The following WWOX variants were observed in gnomAD, a reference collection of about 807,000 sequenced individuals.
The protein encoded by WWOX is WW domain containing oxidoreductase.
In WWOX, 69 loss-of-function variants were observed where a neutral mutation model predicts 46.2. The ratio of observed to expected loss-of-function variants is 1.49; its 90% CI spans 1.23 to 1.82. The LOEUF is 1.82. WWOX is among the 40% of genes most tolerant of loss of function. WWOX has a pLI of 0.00. For synonymous variants in WWOX, 359 were observed against 202.6 expected, an observed-to-expected ratio of 1.77 and a Z score of -6.56; for missense variants, 919 against 542.6, an observed-to-expected ratio of 1.69 and a Z score of -6.89.
intron 8 of WWOX, among the ~76,000 whole-genome samples, chr16:78,545,277 A>G (rs1437159406): frequency 6.6e-6 from 1 of 152,208 alleles, no homozygotes; most frequent in Middle Eastern, 3.4e-3. Context: ...GGGATGTTGT[A>G]TTGGTTCTAA....
At chr16:78,488,106 C>G (rs535042314) in intron 8 of WWOX, among the ~76,000 whole-genome samples, 1 of 152,262 alleles carries the variant, frequency 6.6e-6, no homozygotes, top group East Asian at 1.9e-4. Flanking sequence ...GGAGGGATCT[C>G]ACAGGAAACT....
rs572862163 is a variant in WWOX, at chr16:78,428,807, G to A, written c.792-3681G>A. ...AGGATCCCTTGAGCTCAGGAGTTGA[G>A]ATTAGCATGGGCAACAAAGCAAGAC... On this transcript the variant is annotated intron_variant, in intron 7 of 8. Coordinates refer to ENST00000566780, the MANE Select transcript of WWOX (RefSeq NM_016373.4). Among the ~76,000 whole-genome samples, 16 of 152,292 alleles carry A rather than the reference G, an allele frequency of 1.1e-4. No homozygotes were observed. The East Asian group carries it at 2.5e-3, about 24-fold the overall frequency.
chr16:78,879,070 A>G (rs1278307022), intron 8 of WWOX, among the ~76,000 whole-genome samples: 1 of 151,988 alleles, frequency 6.6e-6, no homozygotes, highest in Non-Finnish European at 1.5e-5. Context: ...GGAAAGGAGG[A>G]AGGGAGGGAA....
chr16:78,100,896 C>G (rs527567003), intron 1 of WWOX, among the ~76,000 whole-genome samples: 1 of 152,190 alleles, frequency 6.6e-6, no homozygotes, highest in Non-Finnish European at 1.5e-5. Context: ...CTGTAGCCGA[C>G]TCTCAACTTT....
At chr16:78,437,765 G>A (rs945183189) in intron 8 of WWOX, among the ~76,000 whole-genome samples, 2 of 152,152 alleles carry the variant, frequency 1.3e-5, no homozygotes, top group African/African-American at 2.4e-5. Context: ...ATATGTTAAA[G>A]GAAACTAACA....
At chr16:79,090,106 G>A (rs953970402) in intron 8 of WWOX, 2 of 152,236 alleles carry the variant, frequency 1.3e-5, no homozygotes, top group Non-Finnish European at 2.9e-5. Flanking sequence ...GTGGAAAAAA[G>A]GGGCTTTAAT....
intron 4 of WWOX, among the ~76,000 whole-genome samples, chr16:78,133,881 TAG>T (rs1334970833): frequency 6.6e-6 from 1 of 152,172 alleles, no homozygotes; most frequent in Non-Finnish European, 1.5e-5. Flanking sequence ...AGAAAAATAT[TAG>T]AGAGTTGTCA....
intron 8 of WWOX, among the ~76,000 whole-genome samples, chr16:78,872,106 A>G (rs1023281376): frequency 6.6e-6 from 1 of 152,202 alleles, no homozygotes; most frequent in Non-Finnish European, 1.5e-5. Context: ...ACTTCTAATG[A>G]GGAATTAGAG....
chr16:79,134,014 G>A (rs929791760), intron 8 of WWOX, among the ~76,000 whole-genome samples: 1 of 152,126 alleles, frequency 6.6e-6, no homozygotes, highest in African/African-American at 2.4e-5. Flanking sequence ...GACTATCTAA[G>A]CAAGCATGTA....
chr16:78,903,603 C>T (rs951996166), intron 8 of WWOX, among the ~76,000 whole-genome samples: 3 of 152,168 alleles, frequency 2.0e-5, no homozygotes, highest in Non-Finnish European at 4.4e-5. Context: ...TTAAGGGTTT[C>T]CTTTCAGTTT....
intron 5 of WWOX, among the ~76,000 whole-genome samples, chr16:78,254,482 T>G (rs2151831150): frequency 7.4e-6 from 1 of 135,922 alleles, no homozygotes; most frequent in South Asian, 2.5e-4. Context: ...TCCATCACTT[T>G]TCTTTTTCTT....
chr16:78,588,991 G>C (rs1269476582), intron 8 of WWOX, among the ~76,000 whole-genome samples: 1 of 152,164 alleles, frequency 6.6e-6, no homozygotes, highest in Non-Finnish European at 1.5e-5. Context: ...TGCTGGGAAT[G>C]TGGCCATCAT....
chr16:78,578,354 A>G (rs935398193), intron 8 of WWOX, among the ~76,000 whole-genome samples: 8 of 129,650 alleles, frequency 6.2e-5, no homozygotes, highest in African/African-American at 1.5e-4. Context: ...CAGTGGCGCA[A>G]TCTCGGCTCA....
At chr16:78,766,369 A>C (rs1329535219) in intron 8 of WWOX, among the ~76,000 whole-genome samples, 12 of 152,180 alleles carry the variant, frequency 7.9e-5, no homozygotes. Flanking sequence ...CTGAGGTGGG[A>C]GAATTGCTTG....
chr16:79,206,479 C>G (rs2051515385), intron 8 of WWOX: 1 of 152,226 alleles, frequency 6.6e-6, no homozygotes, highest in Non-Finnish European at 1.5e-5. Flanking sequence ...CTAACTGTCC[C>G]TGGCTCATAG....
intron 8 of WWOX, among the ~76,000 whole-genome samples, chr16:78,879,585 A>G (rs1159884391): frequency 6.6e-6 from 1 of 152,118 alleles, no homozygotes; most frequent in Non-Finnish European, 1.5e-5. Context: ...TTGTGCTTAG[A>G]AGGAATTCCT....
chr16:78,999,739 G>A (rs2047057976), intron 8 of WWOX, among the ~76,000 whole-genome samples: 1 of 152,096 alleles, frequency 6.6e-6, no homozygotes, highest in South Asian at 2.1e-4. Context: ...GATGAGGGTT[G>A]GAAAATTGCC....
Position 78,284,261 on chromosome 16 carries a change from G to A in WWOX, c.517-102599G>A, listed in dbSNP as rs575558986. ...TCCGTCTACTTTTTGCAGGATAGTGGTTTCTTCAAAACAGTGGCTTCTTTG... is the reference window on the plus strand; with the variant it reads ...TCCGTCTACTTTTTGCAGGATAGTGATTTCTTCAAAACAGTGGCTTCTTTG... On this transcript the variant is annotated intron_variant, in intron 5 of 8. Coordinates refer to ENST00000566780, the MANE Select transcript of WWOX (RefSeq NM_016373.4). 2.6e-5 allele frequency among the ~76,000 whole-genome samples: 4 copies of A among 152,270 alleles called. No individual in the cohort carries two copies. In the East Asian group the frequency reaches 7.7e-4, roughly 29 times the overall value.
chr16:79,049,430 G>C (rs940583647), intron 8 of WWOX, among the ~76,000 whole-genome samples: 1 of 152,202 alleles, frequency 6.6e-6, no homozygotes, highest in African/African-American at 2.4e-5. Context: ...ACCTTGAGGG[G>C]CATCGATATT....
Sources: allele counts gnomAD v4.1 joint callset (sites outside exome capture counted in the v4.1 genomes callset), GRCh38; gene constraint gnomAD v4.1.1; transcripts MANE v1.5; gene names NCBI Gene and HGNC (gene_info 2026-07-23, HGNC 2026-07-21).